The following BICDL1 variants were observed in gnomAD, a reference collection of about 807,000 sequenced individuals.
The protein encoded by BICDL1 is BICD family-like cargo adapter 1.
Under a neutral mutation model 76.8 loss-of-function variants are expected in BICDL1, and 20 were observed. The ratio of observed to expected loss-of-function variants is 0.26; its 90% confidence interval spans 0.18 to 0.38. The LOEUF (loss-of-function observed/expected upper bound fraction) is 0.38, where lower values mean the gene tolerates loss of function less well. Among genes scored for constraint, BICDL1 ranks in the 10% least tolerant of loss-of-function variants. The pLI, the probability that BICDL1 is intolerant of heterozygous loss-of-function variation, is 1.00. For missense variants in BICDL1, 700 were observed against 798.6 expected (o/e 0.88, Z 1.49); for synonymous variants, 383 against 337.1 (o/e 1.14, Z -1.49).
intron 1 of BICDL1, among the ~76,000 whole-genome samples, chr12:119,990,872 CTGGTAG>C (rs1951507194): frequency 6.6e-6 from 1 of 152,152 alleles, no homozygotes; most frequent in Admixed American, 6.5e-5. Context: ...CATGTGACCG[CTGGTAG>C]TGGATTTAAT....
At position 120,093,354 on chromosome 12, in the gene BICDL1, A is replaced by G. The variant is rs1875150735; in HGVS notation, c.*193A>G. 1.5e-6 allele frequency: 1 copy of G among 658,724 alleles called. No individual in the cohort carries two copies. The highest frequency in any genetic ancestry group is 1.9e-5 in the South Asian group (1 of 51,726). The allele number at this position is 658,724 out of a possible 1,614,324, so 40.8% of individuals were successfully genotyped here. Reference sequence around the variant, plus strand: ...CTAGAGGTGGGGGCCTGCCTTGGCCACTGAAGGCTTCCCTTGGCCCACCGC... The same window carrying G: ...CTAGAGGTGGGGGCCTGCCTTGGCCGCTGAAGGCTTCCCTTGGCCCACCGC... On this transcript the variant is annotated 3_prime_UTR_variant, in exon 10 of 10. Transcript: ENST00000548673.
chr12:120,026,209 G>A (rs1952298176), intron 2 of BICDL1, among the ~76,000 whole-genome samples: 1 of 152,022 alleles, frequency 6.6e-6, no homozygotes. Context: ...TCATCAATTT[G>A]TTCTGAAATT....
Position 120,074,424 on chromosome 12 carries a change from G to A in BICDL1, c.1309-19G>A. On this transcript the variant is annotated intron_variant, in intron 6 of 9. Coordinates refer to ENST00000548673, the MANE Select transcript of BICDL1 (RefSeq NM_001367886.1). ...GTACCCTTACCATATCTGTCTGGCT[G>A]TCTTTCTTTTACTGTCAGGGCTCCC... 2 of 1,177,354 alleles carry A rather than the reference G, an allele frequency of 1.7e-6. No homozygotes were observed. The allele number at this position is 1,177,354 out of a possible 1,614,324, so 72.9% of individuals were successfully genotyped here. A position where few individuals can be genotyped will look rare whatever the true frequency, so the allele number is the denominator to read the frequency against.
At chr12:120,056,002 G>A (rs1952963924) in intron 2 of BICDL1, among the ~76,000 whole-genome samples, 1 of 152,094 alleles carries the variant, frequency 6.6e-6, no homozygotes. Context: ...AAAAAAAATT[G>A]GAACACTCGA....
At position 120,071,134 on chromosome 12, in the gene BICDL1, A is replaced by G. The variant is rs1566258485; in HGVS notation, c.910-488A>G. Among the ~76,000 whole-genome samples the G allele has an allele frequency of 6.7e-6, 1 of 150,346 alleles. No homozygotes were observed. Among genetic ancestry groups the G allele is most frequent in the East Asian group, 2.0e-4 (1 of 5,032 alleles). On this transcript the variant is annotated intron_variant, in intron 4 of 9. Transcript: ENST00000548673. The surrounding 1 kb of genome is among the most constrained non-coding windows in gnomAD (Gnocchi z 4.8). The stretch of plus-strand genomic sequence containing the variant: ...GAAATGGAGTTGTTTGTCCTATAGA[A>G]TTTTCTTTTTTCTTTTTTTCTTTTT...
intron 2 of BICDL1, among the ~76,000 whole-genome samples, chr12:120,002,307 A>G (rs968712567): frequency 3.9e-5 from 6 of 152,230 alleles, no homozygotes; most frequent in African/African-American, 1.4e-4. Flanking sequence ...ACTTCAATAT[A>G]TGGATAGGGG....
intron 2 of BICDL1, among the ~76,000 whole-genome samples, chr12:120,012,122 C>T (rs964594088): frequency 1.1e-4 from 17 of 152,100 alleles, no homozygotes; most frequent in Admixed American, 3.9e-4. Flanking sequence ...TCTCTGGGAC[C>T]GAGGGCGGCT....
chr12:120,062,891 C>T (rs1953136217), intron 3 of BICDL1, among the ~76,000 whole-genome samples: 2 of 152,154 alleles, frequency 1.3e-5, no homozygotes, highest in African/African-American at 2.4e-5. Context: ...CTTTCCTCAC[C>T]CGTTCATTTT....
Position 120,071,901 on chromosome 12 carries a change from C to T in BICDL1, c.1089+100C>T. On this transcript the variant is annotated intron_variant, in intron 5 of 9. Coordinates refer to ENST00000548673, the MANE Select transcript of BICDL1 (RefSeq NM_001367886.1). This position sits in a 1 kb window ranked among gnomAD's most constrained non-coding sequence, Gnocchi z 4.8. Reference sequence around the variant, plus strand: ...AGCTGCCATCCTGGCAAGGCTGTGCCCCTGTGCCTGTGTCAGCCCCTTGGC... The same window carrying T: ...AGCTGCCATCCTGGCAAGGCTGTGCTCCTGTGCCTGTGTCAGCCCCTTGGC... 7.0e-7 allele frequency: 1 copy of T among 1,424,784 alleles called. No individual in the cohort carries two copies. Among genetic ancestry groups the T allele is most frequent in the Non-Finnish European group, 9.2e-7 (1 of 1,090,814 alleles). 88.3% of individuals were successfully genotyped at this position (1,424,784 alleles called of 1,614,324 possible).
chr12:120,012,231 A>T (rs1951969074), intron 2 of BICDL1, among the ~76,000 whole-genome samples: 1 of 152,176 alleles, frequency 6.6e-6, no homozygotes, highest in African/African-American at 2.4e-5. Context: ...TCCAGTCATG[A>T]CACATAAGGT....
intron 2 of BICDL1, among the ~76,000 whole-genome samples, chr12:120,011,810 G>A (rs915204757): frequency 6.6e-6 from 1 of 152,076 alleles, no homozygotes; most frequent in Non-Finnish European, 1.5e-5. Context: ...TTAAACATGA[G>A]GAAGAATAGC....
intron 9 of BICDL1, chr12:120,091,701 T>G (rs1273316437): frequency 4.1e-6 from 4 of 984,542 alleles, no homozygotes; most frequent in Admixed American, 6.2e-5. Context: ...GCGTGAGGGG[T>G]CCACACTCAC....
At chr12:120,032,745 ATTTTTTTTTTTT>A (rs35727779) in intron 2 of BICDL1, among the ~76,000 whole-genome samples, 1 of 124,486 alleles carries the variant, frequency 8.0e-6, no homozygotes, top group African/African-American at 3.2e-5. Context: ...TACATCTATA[ATTTTTTTTTTTT>A]TTTTTTTTGA....
At chr12:120,068,220 A>C (rs1312146758) in intron 4 of BICDL1, among the ~76,000 whole-genome samples, 1 of 152,236 alleles carries the variant, frequency 6.6e-6, no homozygotes, top group African/African-American at 2.4e-5. Context: ...AGACCAGTGC[A>C]GTGTCTACTT....
intron 2 of BICDL1, chr12:120,057,124 T>C: frequency 1.9e-6 from 1 of 520,886 alleles, no homozygotes; most frequent in East Asian, 5.5e-5. Context: ...TAGAGGACAT[T>C]ATCATGGATG....
intron 2 of BICDL1, among the ~76,000 whole-genome samples, chr12:120,016,764 G>C (rs1952071287): frequency 6.6e-6 from 1 of 151,424 alleles, no homozygotes; most frequent in South Asian, 2.1e-4. Flanking sequence ...TTTCAAAGAA[G>C]CTTGTACCAG....
At chr12:120,083,623 ATAG>A (rs1201885016) in intron 8 of BICDL1, among the ~76,000 whole-genome samples, 2 of 149,318 alleles carry the variant, frequency 1.3e-5, no homozygotes, top group Non-Finnish European at 3.0e-5. Flanking sequence ...CAAAATATTA[ATAG>A]TAGTATTTAT....
chr12:119,996,592 G>C (rs890818611), intron 1 of BICDL1, among the ~76,000 whole-genome samples: 1 of 132,678 alleles, frequency 7.5e-6, no homozygotes, highest in Non-Finnish European at 1.5e-5. Context: ...ATTCATAGGT[G>C]CATTTTAGTT....
At position 120,072,706 on chromosome 12, in the gene BICDL1, A is replaced by C; in HGVS notation, c.1285A>C (p.Ile429Leu). ...LNELKRLIQS[I>L]VDGMEPTGSR... The stretch of plus-strand genomic sequence containing the variant: ...TGAGCTCAAGAGACTGATACAGAGC[A>C]TTGTGGATGGCATGGAGCCCACGGT... Residue 429 changes from isoleucine to leucine, a missense_variant, in exon 6 of 10, where the codon ATT (isoleucine) becomes CTT (leucine). By Grantham distance (5) the Ile-to-Leu change is conservative. This residue lies in a region of BICDL1 where 455 missense variants were observed against 548.7 expected (regional missense o/e 0.83). Transcript: ENST00000548673. 4 of 1,613,354 alleles carry C rather than the reference A, an allele frequency of 2.5e-6. No individual in the cohort carries two copies. The highest frequency in any genetic ancestry group is 3.4e-6 in the Non-Finnish European group (4 of 1,179,948).
Sources: allele counts gnomAD v4.1 joint callset (sites outside exome capture counted in the v4.1 genomes callset), GRCh38; gene constraint gnomAD v4.1.1; regional missense constraint gnomAD v4.1.1; non-coding constraint Gnocchi (gnomAD v3.1); transcripts MANE v1.5; gene names NCBI Gene and HGNC (gene_info 2026-07-23, HGNC 2026-07-21).